Variants in TAF4 observed in about 807,000 individuals in gnomAD.
The protein encoded by TAF4 is TATA-box binding protein associated factor 4, also known as transcription initiation factor TFIID subunit 4.
A neutral mutation model predicts 90.3 loss-of-function variants in TAF4; 9 were observed. That is an observed-to-expected ratio of 0.10 (90% CI 0.06 to 0.17). TAF4 has a LOEUF of 0.17. Among genes scored for constraint, TAF4 ranks in the 10% least tolerant of loss-of-function variants. The probability of loss-of-function intolerance (pLI) is 1.00; values close to 1 mark genes in which losing one functional copy is unlikely to be tolerated. For synonymous variants in TAF4, 818 were observed against 638.9 expected, an observed-to-expected ratio of 1.28 and a Z score of -4.23; for missense variants, 1,351 against 1,370.7, an observed-to-expected ratio of 0.99 and a Z score of 0.23.
intron 14 of TAF4, chr20:61,978,985 C>A (rs1439414050): frequency 6.5e-6 from 1 of 153,352 alleles, no homozygotes; most frequent in Admixed American, 6.5e-5. Context: ...CGCTTCTCCC[C>A]AGCCCACTTC....
chr20:62,003,097 C>T (rs1278061431), intron 9 of TAF4, 63 bp downstream of exon 9: 13 of 1,436,338 alleles, frequency 9.1e-6, no homozygotes, highest in African/African-American at 2.8e-5. Context: ...TGGAGCAGCA[C>T]GGACTCTGGA....
chr20:62,044,703 A>C (rs28382027), intron 1 of TAF4, among the ~76,000 whole-genome samples: 21,535 of 152,226 alleles, frequency 0.14, 1,897 homozygotes, highest in East Asian at 0.44. Flanking sequence ...TTTCTGTGCA[A>C]GAGAAGAGAT....
chr20:61,998,021 C>G (rs1393365802), intron 13 of TAF4, 115 bp downstream of exon 13: 1 of 986,162 alleles, frequency 1.0e-6, no homozygotes, highest in Non-Finnish European at 1.5e-6. Flanking sequence ...ACATTTTAAA[C>G]AGACACGCAA....
intron 1 of TAF4, among the ~76,000 whole-genome samples, chr20:62,054,284 G>A (rs1427408206): frequency 1.3e-5 from 2 of 152,192 alleles, no homozygotes; most frequent in South Asian, 2.1e-4. Context: ...GGGTTTTGGA[G>A]AAGCTGGTCA....
intron 1 of TAF4, 89 bp from the exon 2 acceptor site, chr20:62,014,796 G>A (rs1187468193): frequency 1.4e-5 from 22 of 1,526,224 alleles, no homozygotes; most frequent in Non-Finnish European, 1.9e-5. Context: ...GCTGACAGCT[G>A]TGAGAAGGAA....
At chr20:61,986,696 C>T (rs1029649767) in intron 14 of TAF4, among the ~76,000 whole-genome samples, 22 of 152,268 alleles carry the variant, frequency 1.4e-4, no homozygotes, top group Admixed American at 8.5e-4. Flanking sequence ...TGGCCAGAGC[C>T]GGGCTGCTCA....
chr20:62,065,778 G>C lies in TAF4; in HGVS notation c.33C>G (p.Val11=). Residue 11 remains valine (V), a synonymous_variant, in exon 1 of 15, where the codon GTC becomes GTG. Coordinates refer to ENST00000252996, the MANE Select transcript of TAF4 (RefSeq NM_003185.4). ...TCTCGTCCACCTCGCTGTTGAAGAA[G>C]ACCTCGTCCAGCAGATCCGAGCCCG... MAAGSDLLDE[V]FFNSEVDEKV... The C allele has an allele frequency of 7.5e-7, 1 of 1,335,328 alleles. No homozygotes were observed. The highest frequency in any genetic ancestry group is 9.8e-7 in the Non-Finnish European group (1 of 1,024,466). 82.7% of individuals were successfully genotyped at this position (1,335,328 alleles called of 1,614,324 possible). A position where few individuals can be genotyped will look rare whatever the true frequency, so the allele number is the denominator to read the frequency against.
At chr20:61,983,101 CCT>C (rs1431779926) in intron 14 of TAF4, among the ~76,000 whole-genome samples, 4 of 151,898 alleles carry the variant, frequency 2.6e-5, no homozygotes, top group Admixed American at 2.6e-4. Context: ...CTGTGGAGGT[CCT>C]GTCACCAAAA....
In TAF4 at chr20:62,006,706, T is replaced by C. The variant is rs769693461; in HGVS notation, c.2027A>G (p.Gln676Arg). The change falls in exon 7 of 15, where the codon CAG becomes CGG. Residue 676 changes from glutamine to arginine, a missense_variant. Physicochemically the swap from Gln to Arg is conservative, Grantham distance 43 (BLOSUM62 1). Transcript: ENST00000252996. The surrounding 1 kb of genome is among the most constrained non-coding windows in gnomAD (Gnocchi z 7.0). ...CGGTGGCGGCTGCTGCTGGCTCTGC[T>C]GGATGAAGGCCGCGGAGTCGGGGGT... ...QLTPDSAAFI[Q>R]QSQQQPPPPT... 6.3e-7 allele frequency: 1 copy of C among 1,585,384 alleles called. No individual in the cohort carries two copies. Among genetic ancestry groups the C allele is most frequent in the South Asian group, 1.1e-5 (1 of 88,686 alleles).
chr20:62,003,926 G>A (rs763461534), intron 7 of TAF4, 48 bp from the exon 8 acceptor site: 4 of 1,504,928 alleles, frequency 2.7e-6, no homozygotes, highest in Non-Finnish European at 3.5e-6. Flanking sequence ...CCGAGGGCCA[G>A]GGGCCACTCA....
chr20:62,013,206 A>G (rs192047897), intron 2 of TAF4, among the ~76,000 whole-genome samples: 3 of 152,380 alleles, frequency 2.0e-5, no homozygotes, highest in Non-Finnish European at 4.4e-5. Flanking sequence ...GGTATCTAGA[A>G]ATCAATCCTC....
chr20:62,040,170 A>G (rs763326123), intron 1 of TAF4, among the ~76,000 whole-genome samples: 11 of 152,268 alleles, frequency 7.2e-5, no homozygotes, highest in Admixed American at 2.6e-4. Context: ...GATTTATAGG[A>G]AACATTCATA....
At chr20:62,050,218 G>A (rs1226856514) in intron 1 of TAF4, among the ~76,000 whole-genome samples, 1 of 152,132 alleles carries the variant, frequency 6.6e-6, no homozygotes, top group African/African-American at 2.4e-5. Context: ...AGCAGCAGAA[G>A]GAAGGGCTCC....
At chr20:62,002,500 A>G (rs567181169) in intron 9 of TAF4, among the ~76,000 whole-genome samples, 2 of 152,188 alleles carry the variant, frequency 1.3e-5, no homozygotes, top group East Asian at 3.9e-4. Flanking sequence ...CACAGCAGTT[A>G]TTTTTCTAGA....
chr20:62,014,049 T>C (rs1798737938), intron 2 of TAF4, among the ~76,000 whole-genome samples: 2 of 150,566 alleles, frequency 1.3e-5, no homozygotes, highest in Non-Finnish European at 3.0e-5. Flanking sequence ...TGTGTGTATG[T>C]GTGTGTGTGT....
intron 5 of TAF4, chr20:62,008,742 C>A (rs554585200): frequency 8.4e-6 from 2 of 237,436 alleles, no homozygotes; most frequent in African/African-American, 2.3e-5. Context: ...AGACCCTGAC[C>A]AGAGTGCAGC....
rs552806764 is a variant in TAF4 at position 61,994,884 on chromosome 20, C to T, written c.3090+2666G>A. ...CAGAAGCATGGGAGTCCAGCCTGCC[C>T]GAGTAACAAGACCTTTCCTTGTACG... On this transcript the variant is annotated intron_variant, in intron 14 of 14. Transcript: ENST00000252996. Among the ~76,000 whole-genome samples, 9 of 152,284 alleles carry T rather than the reference C, an allele frequency of 5.9e-5. No homozygotes were observed. In the South Asian group the frequency reaches 6.2e-4, roughly 11 times the overall value.
chr20:62,039,506 G>A (rs1408754665), intron 1 of TAF4, among the ~76,000 whole-genome samples: 2 of 152,246 alleles, frequency 1.3e-5, no homozygotes, highest in Non-Finnish European at 1.5e-5. Context: ...CTTGGGTTAG[G>A]CAAAAATTTA....
At chr20:62,022,687 G>C (rs1367892404) in intron 1 of TAF4, among the ~76,000 whole-genome samples, 1 of 152,186 alleles carries the variant, frequency 6.6e-6, no homozygotes, top group Admixed American at 6.5e-5. Context: ...CTTCTAACCT[G>C]TTCTGGCTAA....
Sources: allele counts gnomAD v4.1 joint callset (sites outside exome capture counted in the v4.1 genomes callset), GRCh38; gene constraint gnomAD v4.1.1; non-coding constraint Gnocchi (gnomAD v3.1); transcripts MANE v1.5; gene names NCBI Gene and HGNC (gene_info 2026-07-23, HGNC 2026-07-21).